PRKN: variants seen among roughly 807,000 people sequenced by gnomAD.
PRKN encodes the protein E3 ubiquitin-protein ligase parkin.
Under a neutral mutation model 59.5 loss-of-function variants are expected in PRKN, and 56 were observed. That is an observed-to-expected ratio of 0.94 (90% CI 0.76 to 1.18). The LOEUF (loss-of-function observed/expected upper bound fraction) is 1.18. Ranked by LOEUF, PRKN falls within the 50% of genes most tolerant of loss-of-function variation. PRKN has a pLI of 0.00. For synonymous variants in PRKN, 250 were observed against 222.1 expected, an observed-to-expected ratio of 1.13 and a Z score of -1.12; for missense variants, 657 against 596.4, an observed-to-expected ratio of 1.10 and a Z score of -1.06.
In PRKN at chr6:162,436,119, TG is replaced by T. The variant is rs1408354971; in HGVS notation, c.171+7190del. ...TGAACCTGGGAGGCAGAGGTTGCAG[TG>T]AGCCAAGATCATGCTATTGCACTCC... On this transcript the variant is annotated intron_variant, in intron 2 of 11. Transcript: ENST00000366898. Among the ~76,000 whole-genome samples, 13 of 126,200 alleles carry T rather than the reference TG, an allele frequency of 1.0e-4. No homozygotes were observed. The Admixed American group carries it at 1.4e-3, about 14-fold the overall frequency. 82.8% of individuals were successfully genotyped at this position (126,200 alleles called of 152,430 possible).
chr6:161,711,673 G>A (rs952771757), intron 7 of PRKN, among the ~76,000 whole-genome samples: 1 of 152,170 alleles, frequency 6.6e-6, no homozygotes, highest in African/African-American at 2.4e-5. Flanking sequence ...TCAGTGAGCT[G>A]GGAGAAGCAG....
In PRKN at chr6:161,483,132, A is replaced by T. The variant is rs1451571642; in HGVS notation, c.1083+65722T>A. ...CAATTTCTCTCTATGTGTTCTGCAGATAAATGTTCTTTCCGGCTCGTGACA... is the reference window on the plus strand; with the variant it reads ...CAATTTCTCTCTATGTGTTCTGCAGTTAAATGTTCTTTCCGGCTCGTGACA... On this transcript the variant is annotated intron_variant, in intron 9 of 11. Transcript: ENST00000366898. The surrounding 1 kb of genome is among the most constrained non-coding windows in gnomAD (Gnocchi z 5.0). 6.6e-6 allele frequency among the ~76,000 whole-genome samples: 1 copy of T among 151,598 alleles called. No individual in the cohort carries two copies. The highest frequency in any genetic ancestry group is 1.5e-5 in the Non-Finnish European group (1 of 67,984).
At chr6:161,743,541 G>T (rs966709659) in intron 7 of PRKN, among the ~76,000 whole-genome samples, 4 of 151,742 alleles carry the variant, frequency 2.6e-5, no homozygotes, top group Non-Finnish European at 5.9e-5. Context: ...GAGCCACTGC[G>T]CCTGGACTTG....
intron 4 of PRKN, among the ~76,000 whole-genome samples, chr6:162,125,840 ATGTCT>A (rs1781102879): frequency 6.6e-6 from 1 of 152,188 alleles, no homozygotes; most frequent in South Asian, 2.1e-4. Flanking sequence ...TGGCTAAGAC[ATGTCT>A]TGTCTAGGTT....
chr6:161,764,975 G>A (rs1384409766), intron 7 of PRKN, among the ~76,000 whole-genome samples: 1 of 152,096 alleles, frequency 6.6e-6, no homozygotes, highest in Non-Finnish European at 1.5e-5. Flanking sequence ...ACCACACCAG[G>A]TTCCTTTGCA....
chr6:162,336,825 T>G (rs908540893), intron 2 of PRKN, among the ~76,000 whole-genome samples: 5 of 152,188 alleles, frequency 3.3e-5, no homozygotes, highest in African/African-American at 7.2e-5. Context: ...ATCAGCCACT[T>G]TCAAAGGTAC....
intron 3 of PRKN, among the ~76,000 whole-genome samples, chr6:162,228,750 T>C (rs937906227): frequency 2.6e-5 from 4 of 152,176 alleles, no homozygotes; most frequent in African/African-American, 7.2e-5. Context: ...GAGTCCAATA[T>C]TGCACTTTAC....
In PRKN at chr6:161,410,764, G is replaced by C. The variant is rs138011791; in HGVS notation, c.1084-23887C>G. Among the ~76,000 whole-genome samples the C allele has an allele frequency of 2.2e-4, 33 of 152,272 alleles. No homozygotes were observed. Among genetic ancestry groups the C allele is most frequent in the African/African-American group, 7.5e-4 (31 of 41,534 alleles). ...TGGGAAATGCATCATTGGTGCTCAT[G>C]ACAACGGCACGCCAAGGGGCTTGAT... On this transcript the variant is annotated intron_variant, in intron 9 of 11. Transcript: ENST00000366898. This position sits in a 1 kb window ranked among gnomAD's most constrained non-coding sequence, Gnocchi z 5.3.
intron 5 of PRKN, among the ~76,000 whole-genome samples, chr6:161,975,634 G>C (rs1371032361): frequency 6.6e-6 from 1 of 152,078 alleles, no homozygotes; most frequent in Non-Finnish European, 1.5e-5. Context: ...GCACGGACTT[G>C]CTAAACCAGA....
rs1779055718 is a variant in PRKN at position 161,527,462 on chromosome 6, C to A, written c.1083+21392G>T. Among the ~76,000 whole-genome samples the A allele has an allele frequency of 6.6e-6, 1 of 152,210 alleles. No individual in the cohort carries two copies. Among genetic ancestry groups the A allele is most frequent in the Non-Finnish European group, 1.5e-5 (1 of 68,040 alleles). ...GCATTTCCCTCCCTGAACCTTACAA[C>A]CTGCTGGATGCTATGCCCACATGAG... On this transcript the variant is annotated intron_variant, in intron 9 of 11. Transcript: ENST00000366898. The surrounding 1 kb of genome is among the most constrained non-coding windows in gnomAD (Gnocchi z 4.6).
rs542515568 is a variant in PRKN at position 162,220,103 on chromosome 6, A to C, written c.413-18851T>G. 1.3e-3 allele frequency among the ~76,000 whole-genome samples: 191 copies of C among 152,240 alleles called. 5 individuals are homozygous for C. In the South Asian group the frequency reaches 0.038, roughly 30 times the overall value. ...TGAAATTCAAGATGGATTAAAGACA[A>C]TCCATCTTGGAGTTCATTTTTCTGT... is the stretch of plus-strand genomic sequence containing the variant. On this transcript the variant is annotated intron_variant, in intron 3 of 11. Transcript: ENST00000366898.
intron 3 of PRKN, among the ~76,000 whole-genome samples, chr6:162,234,086 T>C (rs113519971): frequency 4.9e-4 from 75 of 152,226 alleles, no homozygotes; most frequent in African/African-American, 1.8e-3. Context: ...AAGATGCAGC[T>C]CAGAATCATA....
intron 2 of PRKN, among the ~76,000 whole-genome samples, chr6:162,417,965 G>C (rs1450945290): frequency 1.3e-5 from 2 of 152,184 alleles, no homozygotes; most frequent in African/African-American, 4.8e-5. Context: ...TCTGTAAATA[G>C]CTAAACATTT....
intron 1 of PRKN, among the ~76,000 whole-genome samples, chr6:162,459,773 T>G (rs1791069184): frequency 6.6e-6 from 1 of 152,164 alleles, no homozygotes; most frequent in Non-Finnish European, 1.5e-5. Flanking sequence ...AAATAAAAAG[T>G]AGCCGCATTT....
At chr6:161,868,764 T>C (rs748451436) in intron 6 of PRKN, among the ~76,000 whole-genome samples, 7 of 152,034 alleles carry the variant, frequency 4.6e-5, no homozygotes, top group Admixed American at 6.6e-5. Flanking sequence ...AAATTATACA[T>C]CAGATAAGTC....
At position 162,553,421 on chromosome 6, in the gene PRKN, T is replaced by G. The variant is rs369235363; in HGVS notation, c.8-109948A>C. Among the ~76,000 whole-genome samples, 13 of 130,488 alleles carry G rather than the reference T, an allele frequency of 1.0e-4. No homozygotes were observed. The East Asian group carries it at 2.8e-3, about 28-fold the overall frequency. 85.6% of individuals were successfully genotyped at this position (130,488 alleles called of 152,430 possible). A position where few individuals can be genotyped will look rare whatever the true frequency, so the allele number is the denominator to read the frequency against. On this transcript the variant is annotated intron_variant, in intron 1 of 11. Transcript: ENST00000366898. ...TCTTATTAGAAGCAAGGGATAGATATAGGGGGGGTGCTGTAGAGAGTGGGA... is the reference window on the plus strand; with the variant it reads ...TCTTATTAGAAGCAAGGGATAGATAGAGGGGGGGTGCTGTAGAGAGTGGGA...
Position 161,484,057 on chromosome 6 carries a change from T to C in PRKN, c.1083+64797A>G, listed in dbSNP as rs1791538307. ...TGGGGAGGGAGAGCATCAGGAAGAA[T>C]ACCTAATGGATGCTGGGCTTAATAC... is the stretch of plus-strand genomic sequence containing the variant. On this transcript the variant is annotated intron_variant, in intron 9 of 11. Coordinates refer to ENST00000366898, the MANE Select transcript of PRKN (RefSeq NM_004562.3). This position sits in a 1 kb window ranked among gnomAD's most constrained non-coding sequence, Gnocchi z 4.9. Among the ~76,000 whole-genome samples, 1 of 152,024 alleles carries C rather than the reference T, an allele frequency of 6.6e-6. No individual in the cohort carries two copies. Among genetic ancestry groups the C allele is most frequent in the Non-Finnish European group, 1.5e-5 (1 of 68,016 alleles).
chr6:161,918,043 C>A (rs1241123591), intron 6 of PRKN, among the ~76,000 whole-genome samples: 2 of 152,182 alleles, frequency 1.3e-5, no homozygotes, highest in Non-Finnish European at 2.9e-5. Context: ...GACTGTTTTT[C>A]TGTTTGCAAT....
At chr6:162,364,414 T>C (rs1407379578) in intron 2 of PRKN, among the ~76,000 whole-genome samples, 1 of 152,064 alleles carries the variant, frequency 6.6e-6, no homozygotes, top group East Asian at 1.9e-4. Flanking sequence ...CAGAAGAAAT[T>C]CCAAACTTTT....
Sources: allele counts gnomAD v4.1 joint callset (sites outside exome capture counted in the v4.1 genomes callset), GRCh38; gene constraint gnomAD v4.1.1; non-coding constraint Gnocchi (gnomAD v3.1); transcripts MANE v1.5; gene names NCBI Gene and HGNC (gene_info 2026-07-23, HGNC 2026-07-21).